The following PRUNE2 variants were observed in gnomAD, a reference collection of about 807,000 sequenced individuals.
PRUNE2 encodes the protein protein prune homolog 2.
Under a neutral mutation model 252.0 loss-of-function variants are expected in PRUNE2, and 164 were observed. The ratio of observed to expected loss-of-function variants is 0.65; its 90% CI spans 0.57 to 0.74. PRUNE2 has a LOEUF of 0.74. Ranked by LOEUF, PRUNE2 falls within the 30% of genes least tolerant of loss-of-function variation. The probability of loss-of-function intolerance (pLI) is 0.00; values close to 1 mark genes in which losing one functional copy is unlikely to be tolerated. For synonymous variants in PRUNE2, 1,292 were observed against 1,350.2 expected, an observed-to-expected ratio of 0.96 and a Z score of 0.94; for missense variants, 3,495 against 3,711.0, an observed-to-expected ratio of 0.94 and a Z score of 1.51.
chr9:76,775,815 T>C (rs1456398103), intron 6 of PRUNE2, among the ~76,000 whole-genome samples: 1 of 152,248 alleles, frequency 6.6e-6, no homozygotes, highest in Non-Finnish European at 1.5e-5. Context: ...TCATGCCGGC[T>C]ATGCAGGCCC....
chr9:76,663,377 G>T (rs1415654314), intron 9 of PRUNE2, among the ~76,000 whole-genome samples: 1 of 152,238 alleles, frequency 6.6e-6, no homozygotes, highest in Non-Finnish European at 1.5e-5. Context: ...ACTGCACACA[G>T]TAGGAAGATA....
chr9:76,894,745 T>G (rs928284228), intron 1 of PRUNE2, among the ~76,000 whole-genome samples: 1 of 116,834 alleles, frequency 8.6e-6, no homozygotes, highest in African/African-American at 3.8e-5. Flanking sequence ...ACCAGCCAGG[T>G]ACGGTGGCTC....
intron 15 of PRUNE2, among the ~76,000 whole-genome samples, chr9:76,632,135 G>A (rs771718465): frequency 7.2e-5 from 11 of 152,226 alleles, no homozygotes; most frequent in African/African-American, 1.4e-4. Context: ...ACGGTAGAAT[G>A]AGTTATATTC....
chr9:76,733,122 G>T (rs1226733690), intron 6 of PRUNE2, among the ~76,000 whole-genome samples: 2 of 152,086 alleles, frequency 1.3e-5, no homozygotes, highest in African/African-American at 4.8e-5. Flanking sequence ...TGCCTGAGTA[G>T]CCACAGGTAT....
intron 6 of PRUNE2, among the ~76,000 whole-genome samples, chr9:76,749,325 A>G (rs769092207): frequency 2.0e-5 from 3 of 152,224 alleles, no homozygotes; most frequent in Non-Finnish European, 4.4e-5. Context: ...TCAGTCCCAA[A>G]GTGCAGACGT....
intron 4 of PRUNE2, among the ~76,000 whole-genome samples, chr9:76,831,036 T>C (rs2058643433): frequency 6.6e-6 from 1 of 151,800 alleles, no homozygotes; most frequent in African/African-American, 2.4e-5. Context: ...TTCACACCAT[T>C]CTCCTGCCTC....
intron 4 of PRUNE2, among the ~76,000 whole-genome samples, chr9:76,845,280 A>G (rs1209992208): frequency 6.6e-6 from 1 of 152,226 alleles, no homozygotes; most frequent in Non-Finnish European, 1.5e-5. Context: ...CTACTAAATA[A>G]CGCATGTATT....
intron 9 of PRUNE2, among the ~76,000 whole-genome samples, chr9:76,662,418 GA>G: frequency 6.6e-6 from 1 of 152,200 alleles, no homozygotes; most frequent in Admixed American, 6.5e-5. Context: ...AACAAATGCA[GA>G]ACTTTTGGAC....
At chr9:76,783,770 T>C (rs1242469928) in intron 6 of PRUNE2, 1 of 152,120 alleles carries the variant, frequency 6.6e-6, no homozygotes, top group Admixed American at 6.5e-5. Flanking sequence ...ATGGAGATAA[T>C]TAACATCACT....
At position 76,703,973 on chromosome 9, in the gene PRUNE2, T is replaced by C; in HGVS notation, c.7640A>G (p.His2547Arg). 6.2e-7 allele frequency: 1 copy of C among 1,613,984 alleles called. No homozygotes were observed. Residue 2547 changes from histidine (H) to arginine (R), a missense_variant, in exon 9 of 19, where the codon CAC (histidine) becomes CGC (arginine). His to Arg is a conservative substitution (Grantham distance 29). Coordinates refer to ENST00000376718, the MANE Select transcript of PRUNE2 (RefSeq NM_015225.3). Reference sequence around the variant, plus strand: ...ACGGTTTACAAGTATGTAATCCATGTGTAGTGCATGACGATCTTCATTCTT... The same window carrying C: ...ACGGTTTACAAGTATGTAATCCATGCGTAGTGCATGACGATCTTCATTCTT... ...TEKNEDRHAL[H>R]MDYILVNREE...
chr9:76,876,778 G>C (rs1589723005), intron 1 of PRUNE2, among the ~76,000 whole-genome samples: 1 of 152,256 alleles, frequency 6.6e-6, no homozygotes, highest in East Asian at 1.9e-4. Context: ...TTAAACCCAA[G>C]AGGAAATTTT....
chr9:76,663,287 C>G (rs918067070), intron 9 of PRUNE2, among the ~76,000 whole-genome samples: 1 of 152,236 alleles, frequency 6.6e-6, no homozygotes, highest in African/African-American at 2.4e-5. Context: ...CAGGTAAGCA[C>G]TGTGGCCAGG....
intron 6 of PRUNE2, among the ~76,000 whole-genome samples, chr9:76,815,891 T>C (rs1227388344): frequency 1.3e-5 from 2 of 152,186 alleles, no homozygotes; most frequent in Non-Finnish European, 2.9e-5. Flanking sequence ...CCAGGTGCGG[T>C]GGCTCACGCC....
intron 6 of PRUNE2, chr9:76,737,889 C>A (rs989911118): frequency 6.6e-6 from 1 of 152,204 alleles, no homozygotes; most frequent in African/African-American, 2.4e-5. Context: ...CTAAGCAGAA[C>A]AATTTTTTGG....
chr9:76,823,458 C>G, intron 6 of PRUNE2, 174 bp downstream of exon 6: 1 of 591,888 alleles, frequency 1.7e-6, no homozygotes, highest in Non-Finnish European at 3.0e-6. Context: ...TTTTCATTGA[C>G]TTAGCATAGT....
At chr9:76,770,093 C>T (rs2052924336) in intron 6 of PRUNE2, among the ~76,000 whole-genome samples, 1 of 152,130 alleles carries the variant, frequency 6.6e-6, no homozygotes, top group South Asian at 2.1e-4. Context: ...ATTGTTAATG[C>T]ACCAAAAATG....
At chr9:76,768,897 G>T (rs868253214) in intron 6 of PRUNE2, among the ~76,000 whole-genome samples, 3 of 152,000 alleles carry the variant, frequency 2.0e-5, no homozygotes, top group Admixed American at 1.3e-4. Context: ...CACCAAAAAC[G>T]CTGTACTTTA....
intron 9 of PRUNE2, among the ~76,000 whole-genome samples, chr9:76,695,563 A>G (rs2134570419): frequency 6.6e-6 from 1 of 152,342 alleles, no homozygotes; most frequent in Admixed American, 6.5e-5. Flanking sequence ...ATTACAAAAG[A>G]AGGAAAAAGA....
At chr9:76,824,502 T>C (rs1347449375) in intron 5 of PRUNE2, among the ~76,000 whole-genome samples, 1 of 152,178 alleles carries the variant, frequency 6.6e-6, no homozygotes, top group East Asian at 1.9e-4. Context: ...TAAGAGTTAT[T>C]AAATTCCCTA....
Sources: allele counts gnomAD v4.1 joint callset (sites outside exome capture counted in the v4.1 genomes callset), GRCh38; gene constraint gnomAD v4.1.1; transcripts MANE v1.5; gene names NCBI Gene and HGNC (gene_info 2026-07-23, HGNC 2026-07-21).